CRB1: variants seen among roughly 807,000 people sequenced by gnomAD.
CRB1 encodes crumbs cell polarity complex component 1.
Under a neutral mutation model 120.0 loss-of-function variants are expected in CRB1, and 83 were observed. The observed-to-expected ratio is 0.69, with a 90% CI of 0.58 to 0.83. The LOEUF (loss-of-function observed/expected upper bound fraction) is 0.83. Ranked by LOEUF, CRB1 falls within the 40% of genes least tolerant of loss-of-function variation. The pLI, the probability that CRB1 is intolerant of heterozygous loss-of-function variation, is 0.00. For synonymous variants in CRB1, 625 were observed against 612.5 expected (o/e 1.02, Z -0.30); for missense variants, 1,699 against 1,687.6 (o/e 1.01, Z -0.12).
chr1:197,390,015 T>G (rs1424461646), intron 5 of CRB1, among the ~76,000 whole-genome samples: 2 of 152,068 alleles, frequency 1.3e-5, no homozygotes. Context: ...GTGAACTTCC[T>G]TTTATTATGG....
At chr1:197,311,865 A>G (rs1006888161) in intron 1 of CRB1, among the ~76,000 whole-genome samples, 2 of 151,982 alleles carry the variant, frequency 1.3e-5, no homozygotes, top group Admixed American at 1.3e-4. Flanking sequence ...TTTCTTATAG[A>G]TTTGTAGGAG....
chr1:197,221,644 T>C, the CRB1 span, among the ~76,000 whole-genome samples: 1 of 152,226 alleles, frequency 6.6e-6, no homozygotes, highest in African/African-American at 2.4e-5. Flanking sequence ...GGGATATGCC[T>C]TCATATTTCT....
chr1:197,430,782 CTT>C (rs1435843846), intron 8 of CRB1, among the ~76,000 whole-genome samples: 1 of 152,068 alleles, frequency 6.6e-6, no homozygotes, highest in East Asian at 1.9e-4. Flanking sequence ...AGGCAAGAAA[CTT>C]TTCTATGTGG....
chr1:197,450,328 G>A (rs1040561266), intron 11 of CRB1, among the ~76,000 whole-genome samples: 3 of 152,254 alleles, frequency 2.0e-5, no homozygotes, highest in Non-Finnish European at 2.9e-5. Context: ...ATTCAGAAGC[G>A]CAGGTTTTAC....
chr1:197,266,510 G>A (rs771424381), upstream of CRB1, among the ~76,000 whole-genome samples: 23 of 152,190 alleles, frequency 1.5e-4, no homozygotes, highest in African/African-American at 4.8e-4. Flanking sequence ...CATTCAGACC[G>A]CAGCATACCC....
At chr1:197,391,209 T>C (rs971887219) in intron 5 of CRB1, among the ~76,000 whole-genome samples, 2 of 152,050 alleles carry the variant, frequency 1.3e-5, no homozygotes, top group African/African-American at 4.8e-5. Context: ...CCTTAAGAGA[T>C]TGCTGGAGTG....
In CRB1 at chr1:197,465,973, A is replaced by G. The variant is rs116674783; in HGVS notation, c.4006-11691A>G. ...CAAGCTGTCAAAGTTAAAATAATAT[A>G]TTTTACATGGGTGACTTGACGCCAC... On this transcript the variant is annotated intron_variant, in intron 11 of 11. Transcript: ENST00000367400. Among the ~76,000 whole-genome samples the G allele has an allele frequency of 4.7e-3, 710 of 152,300 alleles. 9 individuals carry two copies. Among genetic ancestry groups the G allele is most frequent in the African/African-American group, 0.016 (664 of 41,564 alleles).
At chr1:197,453,876 A>G (rs1426059618) in intron 11 of CRB1, among the ~76,000 whole-genome samples, 1 of 141,460 alleles carries the variant, frequency 7.1e-6, no homozygotes, top group Non-Finnish European at 1.5e-5. Flanking sequence ...TATTATTAAT[A>G]ATATATATTA....
chr1:197,312,330 G>A (rs147930884), intron 1 of CRB1, among the ~76,000 whole-genome samples: 70 of 152,268 alleles, frequency 4.6e-4, no homozygotes, highest in African/African-American at 1.6e-3. Flanking sequence ...TTAGGAGGCC[G>A]AGATGGATGA....
At chr1:197,442,322 CTT>C in intron 11 of CRB1, 30 bp downstream of exon 11, 1 of 1,614,078 alleles carries the variant, frequency 6.2e-7, no homozygotes, top group Non-Finnish European at 8.5e-7. Flanking sequence ...ATGTCTCTCT[CTT>C]ATTCTGGCAG....
chr1:197,447,651 G>C (rs537185750), intron 11 of CRB1, among the ~76,000 whole-genome samples: 1 of 151,974 alleles, frequency 6.6e-6, no homozygotes, highest in South Asian at 2.1e-4. Context: ...AGGCCAGCTA[G>C]GAAGCATGGT....
At chr1:197,286,057 G>A (rs1241369982) in intron 1 of CRB1, among the ~76,000 whole-genome samples, 1 of 151,742 alleles carries the variant, frequency 6.6e-6, no homozygotes, top group Non-Finnish European at 1.5e-5. Context: ...TTGTAGCTCA[G>A]TACTATTCCT....
chr1:197,331,968 A>T (rs1347502564), intron 2 of CRB1, among the ~76,000 whole-genome samples: 1 of 152,034 alleles, frequency 6.6e-6, no homozygotes, highest in African/African-American at 2.4e-5. Flanking sequence ...AGGTCAGGAG[A>T]TGGATACCAC....
At chr1:197,282,588 A>G (rs1219841333) in intron 1 of CRB1, among the ~76,000 whole-genome samples, 2 of 151,954 alleles carry the variant, frequency 1.3e-5, no homozygotes, top group African/African-American at 4.8e-5. Flanking sequence ...GGGATCAAAG[A>G]AATAAACACA....
chr1:197,364,066 T>C (rs552063388), intron 5 of CRB1: 6 of 1,319,270 alleles, frequency 4.5e-6, no homozygotes, highest in Non-Finnish European at 6.5e-6. Flanking sequence ...GGCAGATCCG[T>C]GGCGGGGCTG....
chr1:197,306,936 CTG>C (rs1445722067), intron 1 of CRB1, among the ~76,000 whole-genome samples: 3 of 152,068 alleles, frequency 2.0e-5, no homozygotes, highest in Non-Finnish European at 4.4e-5. Flanking sequence ...TAGCAGCACA[CTG>C]AAAAAAGGAG....
the CRB1 span, among the ~76,000 whole-genome samples, chr1:197,232,796 A>C: frequency 6.6e-6 from 1 of 152,112 alleles, no homozygotes; most frequent in African/African-American, 2.4e-5. Flanking sequence ...TTCTGAGGAA[A>C]GATAAATATA....
Position 197,419,779 on chromosome 1 carries a change from C to G in CRB1, c.1172-1221C>G, listed in dbSNP as rs538152448. On this transcript the variant is annotated intron_variant, in intron 5 of 11. Coordinates refer to ENST00000367400, the MANE Select transcript of CRB1 (RefSeq NM_201253.3). ...CACGAGGTCAGGAGATCGAGACCAT[C>G]CTGGCTAATATGGTGAAACCCCATC... 1.2e-3 allele frequency among the ~76,000 whole-genome samples: 179 copies of G among 147,570 alleles called. 1 individual carries two copies. Among genetic ancestry groups the G allele is most frequent in the Admixed American group, 2.9e-3 (42 of 14,702 alleles).
chr1:197,443,402 A>G (rs1418872658), intron 11 of CRB1: 1 of 152,008 alleles, frequency 6.6e-6, no homozygotes, highest in East Asian at 1.9e-4. Context: ...CCTTTCCTGC[A>G]ATACTTTCCC....
Sources: allele counts gnomAD v4.1 joint callset (sites outside exome capture counted in the v4.1 genomes callset), GRCh38; gene constraint gnomAD v4.1.1; transcripts MANE v1.5; gene names NCBI Gene and HGNC (gene_info 2026-07-23, HGNC 2026-07-21).